The following PUM3 variants were observed in gnomAD, a reference collection of about 807,000 sequenced individuals.
The protein encoded by PUM3 is pumilio homolog 3.
A neutral mutation model predicts 84.0 loss-of-function variants in PUM3; 91 were observed. The ratio of observed to expected loss-of-function variants is 1.08; its 90% CI spans 0.91 to 1.29. The LOEUF is 1.29. Among genes scored for constraint, PUM3 ranks in the 50% most tolerant of loss-of-function variants. PUM3 has a pLI of 0.00. For synonymous variants in PUM3, 321 were observed against 266.7 expected (o/e 1.20, Z -1.98); for missense variants, 1,067 against 767.5 (o/e 1.39, Z -4.61).
intron 17 of PUM3, among the ~76,000 whole-genome samples, chr9:2,805,239 T>C (rs368591479): frequency 6.6e-6 from 1 of 152,278 alleles, no homozygotes; most frequent in Non-Finnish European, 1.5e-5. Context: ...TTAGCCATTC[T>C]ACAAAATAAG....
At chr9:2,808,045 CA>C (rs1219420416) in intron 16 of PUM3, 141 bp from the exon 17 acceptor site, 1 of 602,494 alleles carries the variant, frequency 1.7e-6, no homozygotes, top group African/African-American at 1.9e-5. Context: ...TCCCTTTTAA[CA>C]CAAAAAATTC....
chr9:2,829,785 G>T lies in PUM3; in HGVS notation c.841C>A (p.Gln281Lys). 6.2e-7 allele frequency: 1 copy of T among 1,611,554 alleles called. No individual in the cohort carries two copies. The highest frequency in any genetic ancestry group is 8.5e-7 in the Non-Finnish European group (1 of 1,178,456). Residue 281 changes from glutamine to lysine, a missense_variant, in exon 8 of 18, where the codon CAG (glutamine) becomes AAG (lysine). Transcript: ENST00000397885. ...LTEELYGNTF[Q>K]LYKSADHRTL... The stretch of plus-strand genomic sequence containing the variant: ...TCTGGAGATGTCACCTTGTAAAGCT[G>T]AAATGTGTTCCCATAGAGCTCTTCC...
intron 2 of PUM3, among the ~76,000 whole-genome samples, chr9:2,838,170 T>A (rs1197780208): frequency 1.3e-5 from 2 of 152,162 alleles, no homozygotes; most frequent in East Asian, 3.9e-4. Flanking sequence ...GGTGAACTAG[T>A]GTGAATAAAA....
At chr9:2,842,209 C>G (rs1816284289) in intron 1 of PUM3, among the ~76,000 whole-genome samples, 1 of 152,136 alleles carries the variant, frequency 6.6e-6, no homozygotes, top group Non-Finnish European at 1.5e-5. Context: ...AATTCGCCCC[C>G]CTTTTTCCTT....
chr9:2,817,102 G>C (rs1208421938), intron 13 of PUM3, among the ~76,000 whole-genome samples: 3 of 152,128 alleles, frequency 2.0e-5, no homozygotes, highest in African/African-American at 7.2e-5. Flanking sequence ...AACTTAACAT[G>C]TACCCAAGGA....
rs577819571 is a variant in PUM3 at position 2,844,062 on chromosome 9, G to A, written c.-28C>T. 6.3e-6 allele frequency: 1 copy of A among 158,306 alleles called. No individual in the cohort carries two copies. The allele number at this position is 158,306 out of a possible 1,614,324, so 9.8% of individuals were successfully genotyped here. On this transcript the variant is annotated 5_prime_UTR_variant, in exon 1 of 18. Coordinates refer to ENST00000397885, the MANE Select transcript of PUM3 (RefSeq NM_014878.5). Reference sequence around the variant, plus strand: ...ACACTCACCGCACACGTGGGACCGAGACAGCTCGCGCAGCGGATCCCGACC... The same window carrying A: ...ACACTCACCGCACACGTGGGACCGAAACAGCTCGCGCAGCGGATCCCGACC...
intron 12 of PUM3, among the ~76,000 whole-genome samples, chr9:2,821,139 C>G (rs1320990011): frequency 6.6e-6 from 1 of 151,952 alleles, no homozygotes; most frequent in Non-Finnish European, 1.5e-5. Flanking sequence ...ATACAAAGAC[C>G]AACAACCAAC....
intron 9 of PUM3, among the ~76,000 whole-genome samples, chr9:2,827,962 T>G (rs1307643227): frequency 1.3e-5 from 2 of 152,174 alleles, no homozygotes; most frequent in Non-Finnish European, 2.9e-5. Context: ...CCAAAAGCTA[T>G]GCTCAGCCAC....
intron 13 of PUM3, among the ~76,000 whole-genome samples, chr9:2,814,303 C>T (rs1052413822): frequency 3.3e-5 from 3 of 91,636 alleles, no homozygotes; most frequent in African/African-American, 1.4e-4. Flanking sequence ...TCTCTGCCTC[C>T]TGGGTTCAAG....
chr9:2,823,026 G>A (rs1039355722), intron 12 of PUM3, among the ~76,000 whole-genome samples: 2 of 151,692 alleles, frequency 1.3e-5, no homozygotes, highest in African/African-American at 4.8e-5. Context: ...AAAGGATAAA[G>A]TAGTTGATTA....
intron 3 of PUM3, among the ~76,000 whole-genome samples, chr9:2,834,828 C>T (rs904727105): frequency 9.2e-6 from 1 of 108,298 alleles, no homozygotes; most frequent in Non-Finnish European, 2.1e-5. Flanking sequence ...CTATAAAAGT[C>T]GAATATCTAT....
At chr9:2,812,408 A>G (rs1307724770) in intron 13 of PUM3, 46 bp from the exon 14 acceptor site, 1 of 1,300,450 alleles carries the variant, frequency 7.7e-7, no homozygotes, top group East Asian at 2.4e-5. Context: ...CTGCATTCTC[A>G]AAACAAAGTA....
chr9:2,834,219 C>T, intron 3 of PUM3, 53 bp from the exon 4 acceptor site: 1 of 1,500,102 alleles, frequency 6.7e-7, no homozygotes, highest in Non-Finnish European at 9.1e-7. Context: ...AAGTGTCATA[C>T]ACCAATACAA....
chr9:2,830,086 A>C, intron 7 of PUM3, 138 bp from the exon 8 acceptor site: 1 of 663,376 alleles, frequency 1.5e-6, no homozygotes, highest in Non-Finnish European at 2.5e-6. Flanking sequence ...ATGCATTGAG[A>C]AGCTGTGGCC....
chr9:2,815,663 T>A (rs1821454502), intron 13 of PUM3, among the ~76,000 whole-genome samples: 2 of 152,200 alleles, frequency 1.3e-5, no homozygotes, highest in East Asian at 1.9e-4. Flanking sequence ...AATAATTATT[T>A]CATATTAAAA....
chr9:2,841,309 A>G (rs1192500782), intron 1 of PUM3, among the ~76,000 whole-genome samples: 2 of 152,194 alleles, frequency 1.3e-5, no homozygotes, highest in Non-Finnish European at 2.9e-5. Context: ...AGAGGCTTGC[A>G]TGGTGGCTCA....
chr9:2,840,075 T>C (rs1247777598), intron 1 of PUM3, among the ~76,000 whole-genome samples: 2 of 152,194 alleles, frequency 1.3e-5, no homozygotes, highest in Admixed American at 6.5e-5. Flanking sequence ...TGCCTGATGT[T>C]TTCTCATGAT....
Position 2,831,359 on chromosome 9 carries a change from T to C in PUM3, c.517-15A>G, listed in dbSNP as rs187681616. The C allele has an allele frequency of 2.7e-4, 420 of 1,532,958 alleles. 1 individual carries two copies. In the African/African-American group the frequency reaches 4.4e-3, roughly 16 times the overall value. The allele number at this position is 1,532,958 out of a possible 1,614,324, so 95.0% of individuals were successfully genotyped here. ...GCAAATGCAATCTGCAGGAAAAAGTTTGAGTTAGACTAATTCTCTTTTGAG... is the reference window on the plus strand; with the variant it reads ...GCAAATGCAATCTGCAGGAAAAAGTCTGAGTTAGACTAATTCTCTTTTGAG... On this transcript the variant is annotated splice_polypyrimidine_tract_variant and intron_variant, in intron 5 of 17. Coordinates refer to ENST00000397885, the MANE Select transcript of PUM3 (RefSeq NM_014878.5).
chr9:2,805,562 A>G (rs977559323), intron 17 of PUM3, among the ~76,000 whole-genome samples: 4 of 152,240 alleles, frequency 2.6e-5, no homozygotes, highest in Non-Finnish European at 5.9e-5. Context: ...GAGATAAGAA[A>G]CAATTCAGCT....
Sources: gnomAD v4.1 joint callset for allele counts (sites outside exome capture counted in the v4.1 genomes callset) on GRCh38, gnomAD v4.1.1 for gene constraint, MANE v1.5 for transcripts, NCBI Gene and HGNC (gene_info 2026-07-23, HGNC 2026-07-21) for gene names.